ZNF331: variants seen among roughly 807,000 people sequenced by gnomAD.
ZNF331 encodes the protein C2H2-like zinc finger protein rearranged in thyroid adenomas.
Under a neutral mutation model 7.0 loss-of-function variants are expected in ZNF331, and 2 were observed. The observed-to-expected ratio is 0.29, with a 90% CI of 0.12 to 0.90. ZNF331 has a LOEUF of 0.90. ZNF331 is among the 40% of genes least tolerant of loss of function. The pLI is 0.58. For synonymous variants in ZNF331, 196 were observed against 205.4 expected (o/e 0.95, Z 0.39); for missense variants, 432 against 587.7 (o/e 0.74, Z 2.74).
chr19:53,521,337 T>TGC (rs2087076834), exon 1 of ZNF331: 1 of 149,574 alleles, frequency 6.7e-6, no homozygotes, highest in African/African-American at 2.6e-5. Flanking sequence ...TGTGAGTGTG[T>TGC]GTGTGTGTGT....
rs2090872810 is a variant in ZNF331, at chr19:53,580,209, C to T, written c.*2257C>T. On this transcript the variant is annotated 3_prime_UTR_variant, in exon 6 of 6. Transcript: ENST00000449416. ...TGTATCAGAACATCACATTGTACTC[C>T]ATCAATATAATACAATTATTATTTG... 5.3e-6 allele frequency: 1 copy of T among 190,372 alleles called. No individual in the cohort carries two copies. The highest frequency in any genetic ancestry group is 2.3e-5 in the African/African-American group (1 of 43,020). The allele number at this position is 190,372 out of a possible 1,614,324, so 11.8% of individuals were successfully genotyped here.
chr19:53,554,224 A>G (rs1198044831), intron 2 of ZNF331, among the ~76,000 whole-genome samples: 1 of 152,160 alleles, frequency 6.6e-6, no homozygotes, highest in African/African-American at 2.4e-5. Context: ...AGGCCAAAGA[A>G]GGAAGGAGTG....
intron 3 of ZNF331, among the ~76,000 whole-genome samples, chr19:53,556,191 C>A (rs987828065): frequency 1.4e-5 from 2 of 147,550 alleles, no homozygotes; most frequent in East Asian, 2.0e-4. Flanking sequence ...TGCAGTGAGC[C>A]GAGATCGCAC....
the ZNF331 span, among the ~76,000 whole-genome samples, chr19:53,506,197 T>C: frequency 2.7e-4 from 38 of 142,682 alleles, 1 homozygote; most frequent in East Asian, 7.4e-3. Context: ...TAGCCGGGCG[T>C]GGTGGCGGGC....
In ZNF331 at chr19:53,548,175, C is replaced by T. The variant is rs551770000; in HGVS notation, c.-137-7670C>T. On this transcript the variant is annotated intron_variant, in intron 2 of 5. Transcript: ENST00000449416. ...CCAGGCTGGAGTGCAGTGGCGTGAT[C>T]TCGGCTCACTGCAACCTCCGCCTCC... 3.9e-5 allele frequency among the ~76,000 whole-genome samples: 6 copies of T among 152,084 alleles called. No homozygotes were observed. In the South Asian group the frequency reaches 1.2e-3, roughly 32 times the overall value.
chr19:53,544,462 G>C (rs988844197), intron 2 of ZNF331, among the ~76,000 whole-genome samples: 1 of 144,858 alleles, frequency 6.9e-6, no homozygotes, highest in African/African-American at 2.5e-5. Flanking sequence ...GGAGAATGGC[G>C]TGAACCCAGG....
At chr19:53,534,049 T>C (rs377606675), upstream of ZNF331, among the ~76,000 whole-genome samples, 8 of 152,308 alleles carry the variant, frequency 5.3e-5, no homozygotes, top group East Asian at 7.7e-4. Context: ...ATGCCTGTAA[T>C]AGCAGCTGTT....
intron 2 of ZNF331, among the ~76,000 whole-genome samples, chr19:53,523,798 G>A (rs2087184112): frequency 1.3e-5 from 2 of 151,864 alleles, no homozygotes; most frequent in African/African-American, 2.4e-5. Context: ...AAGTTCTAGG[G>A]TACATGTGCA....
At chr19:53,520,524 G>A (rs913550375), upstream of ZNF331, among the ~76,000 whole-genome samples, 1 of 152,226 alleles carries the variant, frequency 6.6e-6, no homozygotes, top group Non-Finnish European at 1.5e-5. Context: ...GGCCGACAGG[G>A]CTTCCAGCAT....
At chr19:53,520,489 C>G (rs1246448158), upstream of ZNF331, among the ~76,000 whole-genome samples, 3 of 152,206 alleles carry the variant, frequency 2.0e-5, no homozygotes, top group Admixed American at 6.5e-5. Context: ...GCCTTAGGAG[C>G]AAGCAAAGTT....
chr19:53,519,106 G>A (rs898823163), upstream of ZNF331, among the ~76,000 whole-genome samples: 1 of 151,988 alleles, frequency 6.6e-6, no homozygotes, highest in Non-Finnish European at 1.5e-5. Flanking sequence ...CTATACAGTA[G>A]TCTTACCCAC....
intron 2 of ZNF331, among the ~76,000 whole-genome samples, chr19:53,527,898 G>GT (rs141680372): frequency 0.082 from 12,519 of 152,178 alleles, 591 homozygotes; most frequent in Non-Finnish European, 0.11. Flanking sequence ...TGATTTTAAT[G>GT]TTTCTTTGAC....
chr19:53,536,650 T>G (rs965815061), upstream of ZNF331, among the ~76,000 whole-genome samples: 3 of 152,166 alleles, frequency 2.0e-5, no homozygotes, highest in African/African-American at 4.8e-5. Context: ...CTGTAATTCC[T>G]GCACTTTGTG....
chr19:53,577,092 C>CA lies in ZNF331; in HGVS notation c.538dup (p.Ile180AsnfsTer11). 1 of 1,614,094 alleles carries CA rather than the reference C, an allele frequency of 6.2e-7. No homozygotes were observed. Among genetic ancestry groups the CA allele is most frequent in the South Asian group, 1.1e-5 (1 of 91,082 alleles). ...TTGGGGCAATCAGCTTACTCAACAT[C>CA]AAAAAATTCATACTGGGGAGAAGCC... On this transcript the variant is annotated frameshift_variant, in exon 6 of 6. Coordinates refer to ENST00000449416, the MANE Select transcript of ZNF331 (RefSeq NM_001079906.2). LOFTEE classifies it low-confidence loss of function (END_TRUNC).
At chr19:53,570,682 G>A (rs76887549) in intron 4 of ZNF331, among the ~76,000 whole-genome samples, 6,717 of 149,946 alleles carry the variant, frequency 0.045, 230 homozygotes, top group Non-Finnish European at 0.064. Context: ...ACAGGGATGC[G>A]CCGCCACACC....
chr19:53,520,031 T>C (rs1284519), upstream of ZNF331, among the ~76,000 whole-genome samples: 25,220 of 151,168 alleles, frequency 0.17, 2,504 homozygotes, highest in African/African-American at 0.28. Context: ...GCTTTTAAGC[T>C]TTCCGGGCTT....
chr19:53,544,366 A>G (rs1385782415), intron 2 of ZNF331, among the ~76,000 whole-genome samples: 1 of 150,684 alleles, frequency 6.6e-6, no homozygotes, highest in Admixed American at 6.7e-5. Flanking sequence ...TAACACGGTG[A>G]AACCCCATCT....
chr19:53,533,326 G>A (rs775483956), upstream of ZNF331, among the ~76,000 whole-genome samples: 1 of 151,976 alleles, frequency 6.6e-6, no homozygotes, highest in Admixed American at 6.6e-5. Context: ...TTGATTTCTA[G>A]CTTAATACCA....
intron 2 of ZNF331, among the ~76,000 whole-genome samples, chr19:53,551,177 CG>C (rs747438142): frequency 1.3e-5 from 2 of 152,078 alleles, no homozygotes; most frequent in Non-Finnish European, 2.9e-5. Context: ...CTCCTTATAA[CG>C]GGATTAATGC....
Sources: allele counts gnomAD v4.1 joint callset (sites outside exome capture counted in the v4.1 genomes callset), GRCh38; gene constraint gnomAD v4.1.1; transcripts MANE v1.5; gene names NCBI Gene and HGNC (gene_info 2026-07-23, HGNC 2026-07-21).